Variants in NOLC1 observed in about 807,000 individuals in gnomAD.
NOLC1 encodes 140 kDa nucleolar phosphoprotein.
NOLC1 carries 37 observed loss-of-function variants against 73.4 expected under a neutral mutation model. That is an observed-to-expected ratio of 0.50 (90% CI 0.39 to 0.66). The LOEUF (loss-of-function observed/expected upper bound fraction) is 0.66, where lower values mean the gene tolerates loss of function less well. Ranked by LOEUF, NOLC1 falls within the 30% of genes least tolerant of loss-of-function variation. The pLI is 0.00. For missense variants in NOLC1, 921 were observed against 838.9 expected (o/e 1.10, Z -1.21); for synonymous variants, 327 against 302.6 (o/e 1.08, Z -0.84).
At position 102,162,874 on chromosome 10, in the gene NOLC1, A is replaced by T. The variant is rs187890003; in HGVS notation, c.*605A>T. 6.6e-6 allele frequency: 1 copy of T among 152,358 alleles called. No homozygotes were observed. The highest frequency in any genetic ancestry group is 1.5e-5 in the Non-Finnish European group (1 of 68,038). 9.4% of individuals were successfully genotyped at this position (152,358 alleles called of 1,614,324 possible). Reference sequence around the variant, plus strand: ...TGAAGTTTTTAGCCAGCATGGACCTAACCTACTTTTTGGGATAAAATTCTC... The same window carrying T: ...TGAAGTTTTTAGCCAGCATGGACCTTACCTACTTTTTGGGATAAAATTCTC... On this transcript the variant is annotated 3_prime_UTR_variant, in exon 13 of 13. Transcript: ENST00000605788.
intron 5 of NOLC1, among the ~76,000 whole-genome samples, chr10:102,158,482 T>C (rs1202857786): frequency 2.0e-5 from 3 of 152,240 alleles, no homozygotes; most frequent in African/African-American, 7.2e-5. Context: ...ATAGACATTT[T>C]ATGTTTTCAC....
chr10:102,160,415 T>C (rs17114409), intron 9 of NOLC1, 37 bp from the exon 10 acceptor site: 1 of 1,611,932 alleles, frequency 6.2e-7, no homozygotes, highest in African/African-American at 1.3e-5. Flanking sequence ...CTGAATCCAA[T>C]TTGGGGAGCT....
chr10:102,161,012 GCC>G lies in NOLC1; in HGVS notation c.1662_1663del (p.Gln555GlufsTer6). On this transcript the variant is annotated frameshift_variant, in exon 10 of 13. Coordinates refer to ENST00000605788, the MANE Select transcript of NOLC1 (RefSeq NM_004741.5). LOFTEE classifies it high-confidence loss of function. ...PKANGTSALT[A>X]QNGKAAKNSE... ...GGCCAATGGCACCTCTGCACTGACT[GCC>G]CAGAATGGAAAAGCAGCTAAGAACA... The G allele has an allele frequency of 6.2e-7, 1 of 1,613,964 alleles. No homozygotes were observed. Among genetic ancestry groups the G allele is most frequent in the Non-Finnish European group, 8.5e-7 (1 of 1,179,984 alleles).
At chr10:102,161,959 A>G in intron 12 of NOLC1, 34 bp downstream of exon 12, 1 of 1,607,100 alleles carries the variant, frequency 6.2e-7, no homozygotes, top group Non-Finnish European at 8.5e-7. Flanking sequence ...CTTGGGAGGG[A>G]GGATGGGTAG....
intron 11 of NOLC1, 70 bp from the exon 12 acceptor site, chr10:102,161,763 C>T (rs2069713337): frequency 2.0e-6 from 3 of 1,526,564 alleles, no homozygotes; most frequent in African/African-American, 1.4e-5. Flanking sequence ...TACATGTGCC[C>T]ATGTGTATCA....
rs1564971137 is a variant in NOLC1, at chr10:102,160,272, CAGT to C, written c.1032_1034del (p.Val345del). 1.9e-6 allele frequency: 3 copies of C among 1,614,076 alleles called. No homozygotes were observed. The highest frequency in any genetic ancestry group is 2.2e-5 in the East Asian group (1 of 44,896). ...GAAGAGAAGAAACCCCCAACTAAGG[CAGT>C]AGTCTCTAAAGCAACCACTAAACCA... On this transcript the variant is annotated inframe_deletion, in exon 9 of 13. Coordinates refer to ENST00000605788, the MANE Select transcript of NOLC1 (RefSeq NM_004741.5).
Position 102,159,561 on chromosome 10 carries a change from T to G in NOLC1, c.852T>G (p.Asn284Lys). 1 of 1,613,634 alleles carries G rather than the reference T, an allele frequency of 6.2e-7. No homozygotes were observed. Among genetic ancestry groups the G allele is most frequent in the Non-Finnish European group, 8.5e-7 (1 of 1,179,914 alleles). The change falls in exon 7 of 13, where the codon AAT becomes AAG. Residue 284 changes from asparagine (N) to lysine (K), a missense_variant. By Grantham distance (94) the Asn-to-Lys change is moderately conservative. Coordinates refer to ENST00000605788, the MANE Select transcript of NOLC1 (RefSeq NM_004741.5). ...AGGAGCAAAAAAAACCCATGAAAAA[T>G]AAACCAGGTGACTGGACATGGGGAG... ...EEEEQKKPMKNKPGPYSSVPP... is the reference protein window; with the variant it reads ...EEEEQKKPMKKKPGPYSSVPP...
chr10:102,152,409 G>A lies in NOLC1; in HGVS notation c.-2G>A, dbSNP rs2069519328. 1.9e-6 allele frequency: 3 copies of A among 1,609,478 alleles called. No individual in the cohort carries two copies. The highest frequency in any genetic ancestry group is 3.3e-5 in the Admixed American group (2 of 60,008). On this transcript the variant is annotated 5_prime_UTR_variant, in exon 1 of 13. Coordinates refer to ENST00000605788, the MANE Select transcript of NOLC1 (RefSeq NM_004741.5). ...ACGGTAGTGACGCGTATTGCCTGGA[G>A]GATGGCGGACGCCGGCATTCGCCGC... is the stretch of plus-strand genomic sequence containing the variant.
chr10:102,161,938 T>G lies in NOLC1; in HGVS notation c.1941+13T>G, dbSNP rs572140410. 8.1e-6 allele frequency: 13 copies of G among 1,612,576 alleles called. No homozygotes were observed. The highest frequency in any genetic ancestry group is 1.6e-4 in the Middle Eastern group (1 of 6,066). On this transcript the variant is annotated intron_variant, in intron 12 of 12. Coordinates refer to ENST00000605788, the MANE Select transcript of NOLC1 (RefSeq NM_004741.5). The stretch of plus-strand genomic sequence containing the variant: ...CTTTGATGCCAAGGTGAGAGAGAGA[T>G]CTGTGCCATTCTTGGGAGGGAGGAT...
intron 4 of NOLC1, 84 bp downstream of exon 4, chr10:102,157,639 G>A: frequency 2.1e-6 from 3 of 1,462,740 alleles, no homozygotes; most frequent in Non-Finnish European, 2.8e-6. Flanking sequence ...GTAACCAAGG[G>A]GTGATGGCGG....
At chr10:102,159,107 A>G (rs532551446) in intron 5 of NOLC1, 86 bp from the exon 6 acceptor site, 15 of 1,110,516 alleles carry the variant, frequency 1.4e-5, no homozygotes, top group Admixed American at 4.7e-5. Flanking sequence ...GTGGACTCCT[A>G]AGTTCTCTGC....
chr10:102,154,199 G>A (rs946204037), intron 1 of NOLC1, among the ~76,000 whole-genome samples: 1 of 148,410 alleles, frequency 6.7e-6, no homozygotes, highest in Non-Finnish European at 1.5e-5. Flanking sequence ...AGCTTCCCAA[G>A]TAGCTGGGAC....
chr10:102,160,962 G>A lies in NOLC1; in HGVS notation c.1610G>A (p.Gly537Asp). 6.2e-7 allele frequency: 1 copy of A among 1,614,116 alleles called. No homozygotes were observed. The highest frequency in any genetic ancestry group is 8.5e-7 in the Non-Finnish European group (1 of 1,180,028). The change falls in exon 10 of 13, where the codon GGC (glycine) becomes GAC (aspartate). Residue 537 changes from glycine to aspartate, a missense_variant. Gly to Asp is a moderately conservative substitution (Grantham distance 94). Transcript: ENST00000605788. ...EEEEEKLKGK[G>D]SPRPQAPKAN... ...GAGGAAGAGAAGCTCAAGGGCAAGG[G>A]CTCTCCAAGACCACAAGCCCCCAAG...
Position 102,158,176 on chromosome 10 carries a change from T to C in NOLC1, c.569T>C (p.Val190Ala), listed in dbSNP as rs1462599732. Reference sequence around the variant, plus strand: ...AACCAGAAGCCAAAGATAACACCTGTGACAGTTAAAGCTCAGACTAAAGCC... The same window carrying C: ...AACCAGAAGCCAAAGATAACACCTGCGACAGTTAAAGCTCAGACTAAAGCC... ...PKNQKPKITP[V>A]TVKAQTKAPP... Residue 190 changes from valine to alanine, a missense_variant, in exon 5 of 13, where the codon GTG (valine) becomes GCG (alanine). Coordinates refer to ENST00000605788, the MANE Select transcript of NOLC1 (RefSeq NM_004741.5). 2 of 1,614,142 alleles carry C rather than the reference T, an allele frequency of 1.2e-6. No individual in the cohort carries two copies. The highest frequency in any genetic ancestry group is 8.5e-7 in the Non-Finnish European group (1 of 1,180,018).
At chr10:102,160,149 T>C (rs890001593) in intron 8 of NOLC1, 84 bp from the exon 9 acceptor site, 2 of 1,593,118 alleles carry the variant, frequency 1.3e-6, no homozygotes, top group Non-Finnish European at 1.7e-6. Flanking sequence ...GCTAAGGCTC[T>C]GTGCGTGTCT....
rs1187237018 is a variant in NOLC1, at chr10:102,160,996, C to T, written c.1644C>T (p.Gly548=). The T allele has an allele frequency of 6.2e-7, 1 of 1,614,166 alleles. No individual in the cohort carries two copies. Among genetic ancestry groups the T allele is most frequent in the Admixed American group, 1.7e-5 (1 of 60,028 alleles). ...SPRPQAPKAN[G]TSALTAQNGK... is the part of the protein sequence containing the mutation. ...GACCACAAGCCCCCAAGGCCAATGG[C>T]ACCTCTGCACTGACTGCCCAGAATG... The change falls in exon 10 of 13, where the codon GGC becomes GGT. Residue 548 remains glycine, a synonymous_variant. Coordinates refer to ENST00000605788, the MANE Select transcript of NOLC1 (RefSeq NM_004741.5).
Position 102,159,327 on chromosome 10 carries a change from G to T in NOLC1, c.723+19G>T. ...CAAGAAGGTCTGGACCATAACTTCTGTCAGGGCAGAGGTGACCAGGGTGTG... is the reference window on the plus strand; with the variant it reads ...CAAGAAGGTCTGGACCATAACTTCTTTCAGGGCAGAGGTGACCAGGGTGTG... On this transcript the variant is annotated intron_variant, in intron 6 of 12. Coordinates refer to ENST00000605788, the MANE Select transcript of NOLC1 (RefSeq NM_004741.5). The T allele has an allele frequency of 6.2e-7, 1 of 1,614,106 alleles. No homozygotes were observed. The highest frequency in any genetic ancestry group is 8.5e-7 in the Non-Finnish European group (1 of 1,180,004).
Position 102,158,059 on chromosome 10 carries a change from A to C in NOLC1, c.452A>C (p.Lys151Thr), listed in dbSNP as rs1330314429. 2 of 1,613,858 alleles carry C rather than the reference A, an allele frequency of 1.2e-6. No homozygotes were observed. Among genetic ancestry groups the C allele is most frequent in the Non-Finnish European group, 8.5e-7 (1 of 1,179,906 alleles). The change falls in exon 5 of 13, where the codon AAG (lysine) becomes ACG (threonine). Residue 151 changes from lysine to threonine, a missense_variant. Lys to Thr is a moderately conservative substitution (Grantham distance 78, BLOSUM62 -1). Transcript: ENST00000605788. ...QKKQPVQKGVKPQAKAAKAPP... is the reference protein window; with the variant it reads ...QKKQPVQKGVTPQAKAAKAPP... Reference sequence around the variant, plus strand: ...TGTCTTTTCTAACAGAAGGGAGTTAAGCCCCAAGCCAAGGCAGCCAAAGCT... The same window carrying C: ...TGTCTTTTCTAACAGAAGGGAGTTACGCCCCAAGCCAAGGCAGCCAAAGCT...
rs769584952 is a variant in NOLC1, at chr10:102,158,137, A to T, written c.530A>T (p.Asp177Val). Residue 177 changes from aspartate to valine, a missense_variant, in exon 5 of 13, where the codon GAT (aspartate) becomes GTT (valine). Physicochemically the swap from Asp to Val is radical, Grantham distance 152. Transcript: ENST00000605788. ...SDSDSDSSSE[D>V]EPPKNQKPKI... The stretch of plus-strand genomic sequence containing the variant: ...TCTGATTCTGACTCAAGCTCCGAGG[A>T]TGAGCCACCAAAGAACCAGAAGCCA... 11 of 1,614,146 alleles carry T rather than the reference A, an allele frequency of 6.8e-6. No individual in the cohort carries two copies. In the South Asian group the frequency reaches 1.1e-4, roughly 16 times the overall value.
Sources: allele counts gnomAD v4.1 joint callset (sites outside exome capture counted in the v4.1 genomes callset), GRCh38; gene constraint gnomAD v4.1.1; transcripts MANE v1.5; gene names NCBI Gene and HGNC (gene_info 2026-07-23, HGNC 2026-07-21).